PLEKHA7: variants seen among roughly 807,000 people sequenced by gnomAD.
The protein encoded by PLEKHA7 is pleckstrin homology domain containing A7.
A neutral mutation model predicts 170.0 loss-of-function variants in PLEKHA7; 104 were observed. The observed-to-expected ratio is 0.61, with a 90% CI of 0.52 to 0.72. The LOEUF (loss-of-function observed/expected upper bound fraction) is 0.72. Among genes scored for constraint, PLEKHA7 ranks in the 30% least tolerant of loss-of-function variants. The probability of loss-of-function intolerance (pLI) is 0.00; values close to 1 mark genes in which losing one functional copy is unlikely to be tolerated. For synonymous variants in PLEKHA7, 648 were observed against 660.8 expected (o/e 0.98, Z 0.30); for missense variants, 1,615 against 1,671.7 (o/e 0.97, Z 0.59).
chr11:16,844,371 C>T (rs954655655), intron 8 of PLEKHA7, among the ~76,000 whole-genome samples: 2 of 152,204 alleles, frequency 1.3e-5, no homozygotes, highest in African/African-American at 4.8e-5. Context: ...GCTCTTGACT[C>T]TGAAGAGCAG....
At chr11:16,887,387 T>C (rs1328796908) in intron 3 of PLEKHA7, among the ~76,000 whole-genome samples, 10 of 104,258 alleles carry the variant, frequency 9.6e-5, no homozygotes, top group African/African-American at 3.0e-4. Context: ...GGTCTGCCTC[T>C]CCCTCTCCCC....
chr11:16,828,494 A>T (rs1850840914), intron 9 of PLEKHA7, among the ~76,000 whole-genome samples: 1 of 152,190 alleles, frequency 6.6e-6, no homozygotes, highest in Non-Finnish European at 1.5e-5. Context: ...TAGCAGTGTG[A>T]GAATGGACTA....
chr11:16,826,944 C>T (rs896691359), intron 9 of PLEKHA7, among the ~76,000 whole-genome samples: 5 of 152,180 alleles, frequency 3.3e-5, no homozygotes, highest in African/African-American at 7.2e-5. Context: ...CATCATAAGC[C>T]CAGAACTTCT....
chr11:16,827,936 A>T (rs1347102399), intron 9 of PLEKHA7, among the ~76,000 whole-genome samples: 1 of 151,998 alleles, frequency 6.6e-6, no homozygotes, highest in Non-Finnish European at 1.5e-5. Flanking sequence ...ATGCTACTGC[A>T]TTTACATTTC....
intron 3 of PLEKHA7, among the ~76,000 whole-genome samples, chr11:16,932,469 G>C (rs1860011267): frequency 6.6e-6 from 1 of 151,958 alleles, no homozygotes; most frequent in African/African-American, 2.4e-5. Context: ...TTTTTTGGTA[G>C]AGACAGGACC....
chr11:16,800,346 A>C (rs1848510638), intron 17 of PLEKHA7, among the ~76,000 whole-genome samples: 1 of 152,192 alleles, frequency 6.6e-6, no homozygotes, highest in African/African-American at 2.4e-5. Flanking sequence ...TCACTGTCTC[A>C]CTTCTGGGGG....
intron 3 of PLEKHA7, among the ~76,000 whole-genome samples, chr11:16,915,031 A>C (rs1858533618): frequency 6.6e-6 from 1 of 152,104 alleles, no homozygotes. Context: ...CCCACTTTCT[A>C]TCTCCACCAC....
chr11:16,829,270 C>A (rs1850913389), intron 9 of PLEKHA7, among the ~76,000 whole-genome samples: 1 of 151,984 alleles, frequency 6.6e-6, no homozygotes, highest in African/African-American at 2.4e-5. Flanking sequence ...CTGCCTCAGC[C>A]CCCCAAAGTT....
chr11:16,857,347 C>T (rs1036739013), intron 4 of PLEKHA7, among the ~76,000 whole-genome samples: 14 of 152,254 alleles, frequency 9.2e-5, no homozygotes, highest in African/African-American at 3.1e-4. Flanking sequence ...GCACTGGCTC[C>T]TTATCAGCTC....
chr11:16,811,517 A>G (rs974292916), intron 13 of PLEKHA7, among the ~76,000 whole-genome samples: 1 of 152,102 alleles, frequency 6.6e-6, no homozygotes, highest in African/African-American at 2.4e-5. Context: ...ATCTCTCTCC[A>G]TAGGCATGGT....
At chr11:16,888,004 C>T (rs1419559677) in intron 3 of PLEKHA7, among the ~76,000 whole-genome samples, 7 of 151,196 alleles carry the variant, frequency 4.6e-5, no homozygotes, top group South Asian at 2.1e-4. Context: ...TCTGCCCCGC[C>T]GCCCCGTCTG....
intron 3 of PLEKHA7, 57 bp downstream of exon 3, chr11:17,013,932 G>C (rs1409827131): frequency 3.5e-6 from 5 of 1,429,160 alleles, no homozygotes; most frequent in East Asian, 6.5e-5. Flanking sequence ...CGGCGGGAAC[G>C]GGGAGGGACC....
At chr11:16,813,086 G>A (rs1177900890) in intron 13 of PLEKHA7, 27 bp downstream of exon 13, 24 of 1,606,314 alleles carry the variant, frequency 1.5e-5, no homozygotes, top group Non-Finnish European at 2.0e-5. Context: ...AGTATGCAAG[G>A]AAGGCAGGAA....
Position 16,832,033 on chromosome 11 carries a change from T to C in PLEKHA7, c.873-5443A>G, listed in dbSNP as rs528909755. Among the ~76,000 whole-genome samples the C allele has an allele frequency of 5.9e-5, 9 of 152,322 alleles. No homozygotes were observed. In the East Asian group the frequency reaches 1.7e-3, roughly 29 times the overall value. On this transcript the variant is annotated intron_variant, in intron 9 of 26. Transcript: ENST00000531066. ...TAGGCGGAGTCCTCCAGGAAAGTCTTTACAAGAAGGCAAGCTTAGCTAACC... is the reference window on the plus strand; with the variant it reads ...TAGGCGGAGTCCTCCAGGAAAGTCTCTACAAGAAGGCAAGCTTAGCTAACC...
chr11:16,974,035 C>T (rs967581916), intron 3 of PLEKHA7, among the ~76,000 whole-genome samples: 1 of 152,210 alleles, frequency 6.6e-6, no homozygotes, highest in African/African-American at 2.4e-5. Context: ...TCAACAAGCA[C>T]ATTTTTCATT....
chr11:16,862,019 A>G (rs997695528), intron 4 of PLEKHA7, among the ~76,000 whole-genome samples: 12 of 152,142 alleles, frequency 7.9e-5, no homozygotes, highest in African/African-American at 2.7e-4. Flanking sequence ...TTCTCAGAGA[A>G]AGAGACACAC....
intron 3 of PLEKHA7, among the ~76,000 whole-genome samples, chr11:16,966,835 C>T (rs973663188): frequency 6.6e-6 from 1 of 152,074 alleles, no homozygotes; most frequent in African/African-American, 2.4e-5. Context: ...TTATTGCTGT[C>T]GTCCACCTGG....
intron 3 of PLEKHA7, among the ~76,000 whole-genome samples, chr11:16,889,420 A>AAAAAAAAAATATATATATAT (rs61086849): frequency 1.7e-4 from 13 of 74,660 alleles, no homozygotes; most frequent in African/African-American, 8.1e-4. Flanking sequence ...AAAAAAAAAA[A>AAAAAAAAAATATATATATAT]ATATATATAT....
At chr11:16,995,086 T>C (rs1864260289) in intron 3 of PLEKHA7, among the ~76,000 whole-genome samples, 1 of 152,206 alleles carries the variant, frequency 6.6e-6, no homozygotes, top group African/African-American at 2.4e-5. Context: ...TTCTGAGTAC[T>C]TCCTATTAAC....
Sources: allele counts gnomAD v4.1 joint callset (sites outside exome capture counted in the v4.1 genomes callset), GRCh38; gene constraint gnomAD v4.1.1; transcripts MANE v1.5; gene names NCBI Gene and HGNC (gene_info 2026-07-23, HGNC 2026-07-21).